Variants in PHKB observed in about 807,000 individuals in gnomAD.
PHKB encodes phosphorylase b kinase regulatory subunit beta.
Under a neutral mutation model 152.1 loss-of-function variants are expected in PHKB, and 122 were observed. The observed-to-expected ratio is 0.80, with a 90% CI of 0.69 to 0.93. The LOEUF (loss-of-function observed/expected upper bound fraction) is 0.93, where lower values mean the gene tolerates loss of function less well. Among genes scored for constraint, PHKB ranks in the 40% least tolerant of loss-of-function variants. The probability of loss-of-function intolerance (pLI) is 0.00; values close to 1 mark genes in which losing one functional copy is unlikely to be tolerated. For synonymous variants in PHKB, 436 were observed against 464.9 expected (o/e 0.94, Z 0.80); for missense variants, 1,304 against 1,328.4 (o/e 0.98, Z 0.29).
At chr16:47,570,437 T>C (rs904876245) in intron 7 of PHKB, among the ~76,000 whole-genome samples, 4 of 152,322 alleles carry the variant, frequency 2.6e-5, no homozygotes, top group South Asian at 2.1e-4. Flanking sequence ...TTTGGATGTT[T>C]TACATGGTCC....
intron 13 of PHKB, among the ~76,000 whole-genome samples, chr16:47,602,990 A>G (rs1314517209): frequency 6.6e-6 from 1 of 152,134 alleles, no homozygotes; most frequent in Admixed American, 6.5e-5. Context: ...TCCTAATTCC[A>G]GTGTATGTAA....
intron 5 of PHKB, among the ~76,000 whole-genome samples, chr16:47,512,844 A>T (rs1043680690): frequency 4.6e-5 from 7 of 152,184 alleles, no homozygotes; most frequent in Admixed American, 4.6e-4. Context: ...CTAAATAAAG[A>T]GTATCTCCTT....
At chr16:47,580,213 C>T in intron 7 of PHKB, 82 bp from the exon 8 acceptor site, 2 of 1,002,510 alleles carry the variant, frequency 2.0e-6, no homozygotes, top group African/African-American at 1.6e-5. Context: ...AAGAAATTTG[C>T]TCGTGAATAT....
chr16:47,522,804 T>C (rs1970707278), intron 6 of PHKB, among the ~76,000 whole-genome samples: 1 of 151,998 alleles, frequency 6.6e-6, no homozygotes, highest in African/African-American at 2.4e-5. Flanking sequence ...ATTGTTTATT[T>C]AGTAGTACAG....
chr16:47,601,303 TTACTC>T (rs1355362809), intron 13 of PHKB, among the ~76,000 whole-genome samples: 2 of 152,218 alleles, frequency 1.3e-5, no homozygotes, highest in African/African-American at 4.8e-5. Context: ...AATGATAACA[TTACTC>T]TAAAACCATT....
chr16:47,698,601 C>CTTTTTTTTTT lies in PHKB; in HGVS notation c.3144+25_3144+34dup. ...AATTGAAAAACAAGTAAGTACACAGCTTTTTTTTTTTTTTTTTTTTTGAGA... is the reference window on the plus strand; with the variant it reads ...AATTGAAAAACAAGTAAGTACACAGCTTTTTTTTTTTTTTTTTTTTTTTTTTTTTTTGAGA... On this transcript the variant is annotated intron_variant, in intron 30 of 30. Coordinates refer to ENST00000323584, the MANE Select transcript of PHKB (RefSeq NM_000293.3). 6.8e-6 allele frequency: 5 copies of CTTTTTTTTTT among 730,282 alleles called. No homozygotes were observed. The highest frequency in any genetic ancestry group is 9.1e-6 in the Non-Finnish European group (5 of 550,886). 45.2% of individuals were successfully genotyped at this position (730,282 alleles called of 1,614,324 possible).
intron 25 of PHKB, 176 bp downstream of exon 25, chr16:47,665,151 C>A: frequency 1.6e-6 from 1 of 609,786 alleles, no homozygotes; most frequent in Non-Finnish European, 2.9e-6. Context: ...TTTTAGTCAT[C>A]TATGTTGAAA....
At chr16:47,554,750 G>A (rs759206254) in intron 7 of PHKB, among the ~76,000 whole-genome samples, 28 of 152,144 alleles carry the variant, frequency 1.8e-4, no homozygotes, top group African/African-American at 2.7e-4. Context: ...GTCCCTCACC[G>A]CTTCCTTTGG....
At chr16:47,499,421 CT>C (rs1970286477) in intron 2 of PHKB, among the ~76,000 whole-genome samples, 1 of 152,170 alleles carries the variant, frequency 6.6e-6, no homozygotes, top group Admixed American at 6.5e-5. Flanking sequence ...TATACTTAGT[CT>C]TTTGCTTCAT....
At chr16:47,502,932 C>A in intron 3 of PHKB, 59 bp from the exon 4 acceptor site, 1 of 1,073,612 alleles carries the variant, frequency 9.3e-7, no homozygotes, top group Non-Finnish European at 1.4e-6. Context: ...TTATCAAAAG[C>A]TCTGCTTCCT....
intron 20 of PHKB, among the ~76,000 whole-genome samples, chr16:47,656,439 A>C (rs762123023): frequency 2.0e-5 from 3 of 152,212 alleles, no homozygotes; most frequent in Non-Finnish European, 4.4e-5. Context: ...ACTGTTCTAG[A>C]CTTACAGTCA....
In PHKB at chr16:47,515,558, A is replaced by T. The variant is rs1265126249; in HGVS notation, c.551A>T (p.Glu184Val). The change falls in exon 6 of 31, where the codon GAA (glutamate) becomes GTA (valine). Residue 184 changes from glutamate to valine, a missense_variant. By Grantham distance (121) the Glu-to-Val change is moderately radical. Coordinates refer to ENST00000323584, the MANE Select transcript of PHKB (RefSeq NM_000293.3). ...TCACTTTATCTCCTTTACCTTGTGG[A>T]AATGATTTCCTCAGGACTCCAGATT... ...AVSLYLLYLVEMISSGLQIIY... is the reference protein window; with the variant it reads ...AVSLYLLYLVVMISSGLQIIY... The T allele has an allele frequency of 2.6e-6, 4 of 1,513,762 alleles. No individual in the cohort carries two copies. In the South Asian group the frequency reaches 4.5e-5, roughly 17 times the overall value. The allele number at this position is 1,513,762 out of a possible 1,614,324, so 93.8% of individuals were successfully genotyped here.
chr16:47,487,781 T>C (rs1212931447), intron 1 of PHKB, among the ~76,000 whole-genome samples: 1 of 152,256 alleles, frequency 6.6e-6, no homozygotes, highest in Non-Finnish European at 1.5e-5. Context: ...GATTCCATTT[T>C]TTTATGGCTG....
chr16:47,506,193 A>T (rs1056706333), intron 4 of PHKB, among the ~76,000 whole-genome samples: 2 of 151,932 alleles, frequency 1.3e-5, no homozygotes, highest in African/African-American at 2.4e-5. Context: ...CTCAAAAAAA[A>T]AAGAAAAGAA....
At chr16:47,690,803 G>GA (rs1234832512) in intron 27 of PHKB, among the ~76,000 whole-genome samples, 1 of 152,062 alleles carries the variant, frequency 6.6e-6, no homozygotes, top group Non-Finnish European at 1.5e-5. Flanking sequence ...AATTGTAAAG[G>GA]AAAAAATAGT....
At chr16:47,678,242 G>A (rs536703480) in intron 26 of PHKB, among the ~76,000 whole-genome samples, 2 of 152,088 alleles carry the variant, frequency 1.3e-5, no homozygotes, top group South Asian at 2.1e-4. Flanking sequence ...GTATGCATGT[G>A]TCTTTATAGC....
At chr16:47,557,822 G>A (rs1436205673) in intron 7 of PHKB, among the ~76,000 whole-genome samples, 1 of 152,140 alleles carries the variant, frequency 6.6e-6, no homozygotes, top group Non-Finnish European at 1.5e-5. Flanking sequence ...GGAAGTCAGT[G>A]TGGCGATTCC....
chr16:47,594,018 C>A, intron 11 of PHKB, 119 bp from the exon 12 acceptor site: 1 of 625,798 alleles, frequency 1.6e-6, no homozygotes, highest in Non-Finnish European at 2.9e-6. Context: ...TTAATTTTAC[C>A]ATTGGCATAG....
intron 1 of PHKB, among the ~76,000 whole-genome samples, chr16:47,485,900 C>T (rs551611682): frequency 1.8e-4 from 27 of 151,560 alleles, no homozygotes; most frequent in African/African-American, 6.1e-4. Flanking sequence ...GGATTATAGG[C>T]GTGAGCCACT....
Sources: gnomAD v4.1 joint callset for allele counts (sites outside exome capture counted in the v4.1 genomes callset) on GRCh38, gnomAD v4.1.1 for gene constraint, MANE v1.5 for transcripts, NCBI Gene and HGNC (gene_info 2026-07-23, HGNC 2026-07-21) for gene names.